Variants in NXPE1 observed in about 807,000 individuals in gnomAD.
The protein encoded by NXPE1 is neurexophilin and PC-esterase domain family member 1.
NXPE1 carries 31 observed loss-of-function variants against 33.3 expected under a neutral mutation model. That is an observed-to-expected ratio of 0.93 (90% CI 0.70 to 1.26). The LOEUF (loss-of-function observed/expected upper bound fraction) is 1.26, where lower values mean the gene tolerates loss of function less well. Ranked by LOEUF, NXPE1 falls within the 50% of genes most tolerant of loss-of-function variation. NXPE1 has a pLI of 0.00. For missense variants in NXPE1, 661 were observed against 655.6 expected (o/e 1.01, Z -0.09); for synonymous variants, 229 against 231.4 (o/e 0.99, Z 0.09).
At chr11:114,551,799 G>A (rs150563395) in intron 3 of NXPE1, among the ~76,000 whole-genome samples, 175 bp downstream of exon 3, 3 of 152,060 alleles carry the variant, frequency 2.0e-5, no homozygotes, top group African/African-American at 7.2e-5. Context: ...TGTGAGGAAG[G>A]GGGAAGAAGG....
At chr11:114,553,525 A>G (rs1051778936) in intron 1 of NXPE1, among the ~76,000 whole-genome samples, 4 of 152,182 alleles carry the variant, frequency 2.6e-5, no homozygotes, top group Non-Finnish European at 5.9e-5. Flanking sequence ...AGTTTTGGAA[A>G]TTTATTAACC....
exon 6 of NXPE1, chr11:114,530,808 G>A: frequency 6.2e-7 from 1 of 1,614,210 alleles, no homozygotes; most frequent in East Asian, 2.2e-5. Context: ...TTCAGTCTCT[G>A]TTAGTGGCTT....
chr11:114,523,069 T>C (rs1241371120), exon 8 of NXPE1: 3 of 1,613,210 alleles, frequency 1.9e-6, no homozygotes, highest in Admixed American at 1.7e-5. Context: ...CAACTTGGCA[T>C]GTCTCTTCTA....
exon 9 of NXPE1, chr11:114,521,652 T>C (rs1020414617): frequency 2.0e-5 from 5 of 250,328 alleles, no homozygotes; most frequent in Non-Finnish European, 2.3e-5. Context: ...CTAGGAAATA[T>C]CTATATTGGA....
At chr11:114,527,652 CA>C (rs1947413475) in intron 7 of NXPE1, among the ~76,000 whole-genome samples, 187 bp downstream of exon 7, 2 of 152,176 alleles carry the variant, frequency 1.3e-5, no homozygotes, top group African/African-American at 4.8e-5. Flanking sequence ...TTGGATATAT[CA>C]AGATGTAATC....
chr11:114,551,485 C>T (rs1005436213), intron 3 of NXPE1, 44 bp from the exon 4 acceptor site: 29 of 983,852 alleles, frequency 2.9e-5, no homozygotes, highest in Non-Finnish European at 3.4e-5. Context: ...TCTTAATGCC[C>T]TCTGTATTTT....
intron 5 of NXPE1, among the ~76,000 whole-genome samples, chr11:114,548,038 G>A (rs1160958602): frequency 6.6e-6 from 1 of 151,114 alleles, no homozygotes; most frequent in Admixed American, 6.6e-5. Flanking sequence ...TAAAAAAAAG[G>A]GAAAGGAAAT....
chr11:114,520,679 A>G (rs1176732926), downstream of NXPE1, among the ~76,000 whole-genome samples: 2 of 152,190 alleles, frequency 1.3e-5, no homozygotes, highest in Non-Finnish European at 2.9e-5. Context: ...GGGAACTGCC[A>G]TACTGTTTTC....
intron 5 of NXPE1, among the ~76,000 whole-genome samples, chr11:114,532,495 C>A (rs903364724): frequency 3.9e-5 from 6 of 151,958 alleles, no homozygotes; most frequent in Non-Finnish European, 8.8e-5. Context: ...TGATGATAAA[C>A]CTTTTTCTAT....
chr11:114,534,305 C>T (rs894793475), intron 5 of NXPE1, among the ~76,000 whole-genome samples: 1 of 152,088 alleles, frequency 6.6e-6, no homozygotes. Flanking sequence ...CATCAAAGAC[C>T]AAAGGTAGAT....
chr11:114,551,125 A>T, exon 5 of NXPE1: 3 of 1,528,888 alleles, frequency 2.0e-6, no homozygotes, highest in Non-Finnish European at 2.6e-6. Context: ...CTGAGAAATT[A>T]TAAAAATCAT....
At chr11:114,549,813 A>G (rs965461927) in intron 5 of NXPE1, among the ~76,000 whole-genome samples, 1 of 152,194 alleles carries the variant, frequency 6.6e-6, no homozygotes, top group South Asian at 2.1e-4. Flanking sequence ...TGCAATTGTT[A>G]TTTATCTGAA....
intron 5 of NXPE1, among the ~76,000 whole-genome samples, chr11:114,542,199 A>G (rs1277006146): frequency 6.6e-6 from 1 of 152,132 alleles, no homozygotes; most frequent in Non-Finnish European, 1.5e-5. Flanking sequence ...TTACTTTTTA[A>G]CATCAATATT....
chr11:114,537,387 C>G (rs1947873710), intron 5 of NXPE1, among the ~76,000 whole-genome samples: 1 of 152,126 alleles, frequency 6.6e-6, no homozygotes, highest in Admixed American at 6.5e-5. Flanking sequence ...GGGATGCCCT[C>G]TATCAACACT....
At chr11:114,558,383 C>T (rs552702658) in intron 1 of NXPE1, among the ~76,000 whole-genome samples, 194 of 152,066 alleles carry the variant, frequency 1.3e-3, no homozygotes, top group Non-Finnish European at 2.2e-3. Context: ...ATATTGGGTA[C>T]GTTTGCCTTG....
intron 5 of NXPE1, among the ~76,000 whole-genome samples, chr11:114,537,238 T>G (rs1292848263): frequency 1.3e-5 from 2 of 152,206 alleles, no homozygotes; most frequent in Non-Finnish European, 2.9e-5. Flanking sequence ...CAACCCTTCA[T>G]GCTAAAAACT....
chr11:114,543,112 T>C (rs544632880), intron 5 of NXPE1, among the ~76,000 whole-genome samples: 4 of 151,956 alleles, frequency 2.6e-5, no homozygotes, highest in East Asian at 1.9e-4. Context: ...AGAAATCACT[T>C]TGGGAGGCTG....
chr11:114,555,794 T>C (rs1268048064), intron 1 of NXPE1, among the ~76,000 whole-genome samples: 1 of 152,242 alleles, frequency 6.6e-6, no homozygotes, highest in East Asian at 1.9e-4. Context: ...TACTCTTTTG[T>C]GTCTGGCTTC....
exon 9 of NXPE1, chr11:114,522,376 A>G: frequency 2.5e-6 from 4 of 1,614,144 alleles, no homozygotes; most frequent in Non-Finnish European, 3.4e-6. Flanking sequence ...GATCTATCAG[A>G]GAGTAGAGCT....
Sources: gnomAD v4.1 joint callset for allele counts (sites outside exome capture counted in the v4.1 genomes callset) on GRCh38, gnomAD v4.1.1 for gene constraint, MANE v1.5 for transcripts, NCBI Gene and HGNC (gene_info 2026-07-23, HGNC 2026-07-21) for gene names.